C3orf20: variants seen among roughly 807,000 people sequenced by gnomAD.
C3orf20 encodes the protein family with sequence similarity 149 member C, also known as uncharacterized protein C3orf20.
A neutral mutation model predicts 88.3 loss-of-function variants in C3orf20; 76 were observed. The observed-to-expected ratio is 0.86, with a 90% CI of 0.72 to 1.04. The LOEUF is 1.04. C3orf20 is among the 50% of genes least tolerant of loss of function. C3orf20 has a pLI of 0.00. For synonymous variants in C3orf20, 436 were observed against 437.4 expected (o/e 1.00, Z 0.04); for missense variants, 1,056 against 1,123.3 (o/e 0.94, Z 0.86).
intron 5 of C3orf20, 129 bp downstream of exon 5, chr3:14,690,245 G>A (rs1243719930): frequency 1.4e-5 from 18 of 1,283,996 alleles, no homozygotes; most frequent in Admixed American, 2.2e-5. Context: ...GATACATAGC[G>A]GCTCTGCCTG....
At chr3:14,752,750 C>G (rs545977986) in intron 12 of C3orf20, among the ~76,000 whole-genome samples, 1 of 152,340 alleles carries the variant, frequency 6.6e-6, no homozygotes, top group South Asian at 2.1e-4. Flanking sequence ...GTCATCATCA[C>G]TGGTCATCAG....
chr3:14,741,239 C>T (rs554007532), intron 12 of C3orf20, among the ~76,000 whole-genome samples: 9 of 152,162 alleles, frequency 5.9e-5, no homozygotes, highest in South Asian at 2.1e-4. Flanking sequence ...TATAGCTCTT[C>T]GGGTCCTCAA....
In C3orf20 at chr3:14,727,135, C is replaced by A. The variant is rs541888711; in HGVS notation, c.1690+111C>A. 3 of 1,244,052 alleles carry A rather than the reference C, an allele frequency of 2.4e-6. No homozygotes were observed. In the South Asian group the frequency reaches 4.0e-5, roughly 17 times the overall value. The allele number at this position is 1,244,052 out of a possible 1,614,324, so 77.1% of individuals were successfully genotyped here. A position where few individuals can be genotyped will look rare whatever the true frequency, so the allele number is the denominator to read the frequency against. ...TTTACTTTACCGCCCATTCCATCTTCAGTCTGAATGTCCAGGGAAGTAGGC... is the reference window on the plus strand; with the variant it reads ...TTTACTTTACCGCCCATTCCATCTTAAGTCTGAATGTCCAGGGAAGTAGGC... On this transcript the variant is annotated intron_variant, in intron 11 of 16. Coordinates refer to ENST00000253697, the MANE Select transcript of C3orf20 (RefSeq NM_032137.5).
At chr3:14,741,327 G>A (rs1409193825) in intron 12 of C3orf20, among the ~76,000 whole-genome samples, 1 of 152,044 alleles carries the variant, frequency 6.6e-6, no homozygotes, top group Non-Finnish European at 1.5e-5. Context: ...CTAGCTTCGT[G>A]AACATGTCAG....
rs553381969 is a variant in C3orf20 at position 14,702,969 on chromosome 3, G to C, written c.746-161G>C. Among the ~76,000 whole-genome samples the C allele has an allele frequency of 2.0e-4, 30 of 152,126 alleles. No individual in the cohort carries two copies. The East Asian group carries it at 3.3e-3, about 17-fold the overall frequency. Reference sequence around the variant, plus strand: ...ATGGGAAAAAATGGCCAAAACAAAGGGGTTACAGGGCCCATGCAAGTCTAA... The same window carrying C: ...ATGGGAAAAAATGGCCAAAACAAAGCGGTTACAGGGCCCATGCAAGTCTAA... On this transcript the variant is annotated intron_variant, in intron 5 of 16. Coordinates refer to ENST00000253697, the MANE Select transcript of C3orf20 (RefSeq NM_032137.5).
At chr3:14,755,413 G>A (rs984140105) in intron 12 of C3orf20, among the ~76,000 whole-genome samples, 2 of 152,002 alleles carry the variant, frequency 1.3e-5, no homozygotes, top group South Asian at 2.1e-4. Flanking sequence ...TAGTAGAAAC[G>A]TTATGGCTTA....
At chr3:14,759,310 A>G (rs1429849577) in intron 13 of C3orf20, among the ~76,000 whole-genome samples, 1 of 152,202 alleles carries the variant, frequency 6.6e-6, no homozygotes, top group Admixed American at 6.5e-5. Flanking sequence ...GGAAGACAGC[A>G]CATTGGCTGT....
intron 10 of C3orf20, among the ~76,000 whole-genome samples, chr3:14,723,777 GTTTTATTTTATTTTA>G (rs201184448): frequency 0.068 from 9,705 of 142,142 alleles, 393 homozygotes; most frequent in South Asian, 0.089. Context: ...AAGGCCATTG[GTTTTATTTTATTTTA>G]TTTTATTTTA....
At chr3:14,696,906 T>C (rs1262624671) in intron 5 of C3orf20, among the ~76,000 whole-genome samples, 1 of 152,058 alleles carries the variant, frequency 6.6e-6, no homozygotes, top group East Asian at 1.9e-4. Flanking sequence ...AGGAAAGTCT[T>C]TATTTCTTCA....
intron 9 of C3orf20, 60 bp from the exon 10 acceptor site, chr3:14,721,593 G>GA: frequency 1.3e-6 from 2 of 1,596,850 alleles, no homozygotes; most frequent in South Asian, 2.3e-5. Context: ...GGTGGGTCAG[G>GA]AAGGGGTGGC....
At chr3:14,744,855 C>G (rs893808636) in intron 12 of C3orf20, among the ~76,000 whole-genome samples, 5 of 152,210 alleles carry the variant, frequency 3.3e-5, no homozygotes, top group African/African-American at 9.6e-5. Flanking sequence ...CCTCCCACAA[C>G]ATGTGGGAAT....
At chr3:14,684,853 C>T (rs1559394726) in intron 4 of C3orf20, among the ~76,000 whole-genome samples, 1 of 152,066 alleles carries the variant, frequency 6.6e-6, no homozygotes, top group East Asian at 1.9e-4. Context: ...TCATACAGCC[C>T]GAGGGAAGCT....
chr3:14,685,516 GTGT>G (rs1460694249), intron 4 of C3orf20, among the ~76,000 whole-genome samples: 1 of 150,566 alleles, frequency 6.6e-6, no homozygotes, highest in African/African-American at 2.5e-5. Flanking sequence ...GTGTGTATGT[GTGT>G]TAAGAACACA....
At chr3:14,759,662 A>C (rs916932168) in intron 13 of C3orf20, among the ~76,000 whole-genome samples, 1 of 152,066 alleles carries the variant, frequency 6.6e-6, no homozygotes, top group South Asian at 2.1e-4. Context: ...CATCTCGGAA[A>C]TGGCCTTCTC....
chr3:14,683,046 TG>T lies in C3orf20; in HGVS notation c.337del (p.Ala113GlnfsTer22). 2 of 1,611,744 alleles carry T rather than the reference TG, an allele frequency of 1.2e-6. No homozygotes were observed. Among genetic ancestry groups the T allele is most frequent in the Non-Finnish European group, 1.7e-6 (2 of 1,178,918 alleles). ...PPRPVLLATT[G>X]AAKRSTLSPT... is the part of the protein sequence containing the mutation. Reference sequence around the variant, plus strand: ...CACGTCCAGTGCTGCTGGCAACCACTGGGGCAGCCAAGCGCTCCACCCTCTC... The same window carrying T: ...CACGTCCAGTGCTGCTGGCAACCACTGGGCAGCCAAGCGCTCCACCCTCTC... On this transcript the variant is annotated frameshift_variant, in exon 3 of 17. Coordinates refer to ENST00000253697, the MANE Select transcript of C3orf20 (RefSeq NM_032137.5). LOFTEE classifies it high-confidence loss of function.
rs116327988 is a variant in C3orf20 at position 14,772,522 on chromosome 3, C to T, written c.2631-269C>T. Among the ~76,000 whole-genome samples, 682 of 152,354 alleles carry T rather than the reference C, an allele frequency of 4.5e-3. 9 individuals are homozygous for T. The highest frequency in any genetic ancestry group is 0.015 in the African/African-American group (623 of 41,576). On this transcript the variant is annotated intron_variant, in intron 16 of 16. Transcript: ENST00000253697. This position sits in a 1 kb window ranked among gnomAD's most constrained non-coding sequence, Gnocchi z 4.2. ...GAAACTTGCTGCACCTGTTAAAGGCCACTTACTTGCTGGTGCTGGTAACCA... is the reference window on the plus strand; with the variant it reads ...GAAACTTGCTGCACCTGTTAAAGGCTACTTACTTGCTGGTGCTGGTAACCA...
intron 12 of C3orf20, among the ~76,000 whole-genome samples, chr3:14,744,543 C>T (rs2035005144): frequency 1.3e-5 from 2 of 151,952 alleles, no homozygotes; most frequent in African/African-American, 4.9e-5. Context: ...TTCAGCAATG[C>T]CCCACTCTAC....
intron 5 of C3orf20, among the ~76,000 whole-genome samples, chr3:14,702,818 C>G (rs1297723943): frequency 6.6e-5 from 10 of 152,254 alleles, no homozygotes; most frequent in African/African-American, 2.4e-4. Flanking sequence ...ATTAACCCAA[C>G]AGTCCAAAGT....
intron 15 of C3orf20, among the ~76,000 whole-genome samples, chr3:14,767,777 A>G (rs1575167233): frequency 1.3e-5 from 2 of 152,274 alleles, no homozygotes; most frequent in Non-Finnish European, 2.9e-5. Context: ...AGCATCTTCT[A>G]CACTGCTGTG....
Sources: gnomAD v4.1 joint callset for allele counts (sites outside exome capture counted in the v4.1 genomes callset) on GRCh38, gnomAD v4.1.1 for gene constraint, Gnocchi (gnomAD v3.1) non-coding constraint, MANE v1.5 for transcripts, NCBI Gene and HGNC (gene_info 2026-07-23, HGNC 2026-07-21) for gene names.